The following SLC4A4 variants were observed in gnomAD, a reference collection of about 807,000 sequenced individuals.
SLC4A4 encodes electrogenic sodium bicarbonate cotransporter 1.
Under a neutral mutation model 111.5 loss-of-function variants are expected in SLC4A4, and 27 were observed. The ratio of observed to expected loss-of-function variants is 0.24; its 90% CI spans 0.18 to 0.33. The LOEUF (loss-of-function observed/expected upper bound fraction) is 0.33. SLC4A4 is among the 10% of genes least tolerant of loss of function. SLC4A4 has a pLI of 1.00. For missense variants in SLC4A4, 909 were observed against 1,315.5 expected (o/e 0.69, Z 4.78); for synonymous variants, 443 against 463.4 (o/e 0.96, Z 0.57).
At chr4:71,089,087 G>A (rs1344935642) in intron 1 of SLC4A4, among the ~76,000 whole-genome samples, 1 of 151,986 alleles carries the variant, frequency 6.6e-6, no homozygotes, top group East Asian at 1.9e-4. Context: ...ATATTTCTTG[G>A]AGGCTTTCTT....
intron 2 of SLC4A4, among the ~76,000 whole-genome samples, chr4:71,162,503 A>C (rs1744640526): frequency 6.6e-6 from 1 of 151,938 alleles, no homozygotes; most frequent in Admixed American, 6.6e-5. Context: ...AAGCAGCAGA[A>C]CTCCTAAGTT....
intron 3 of SLC4A4, among the ~76,000 whole-genome samples, chr4:71,314,265 G>C (rs1293517189): frequency 6.6e-6 from 1 of 152,140 alleles, no homozygotes; most frequent in Admixed American, 6.5e-5. Context: ...AAAAAGTCTG[G>C]AAACAACAGA....
intron 20 of SLC4A4, among the ~76,000 whole-genome samples, chr4:71,554,416 G>A (rs1453727318): frequency 2.6e-5 from 4 of 151,734 alleles, no homozygotes; most frequent in African/African-American, 9.7e-5. Context: ...CAAAGGTCTA[G>A]GAATAGATAC....
chr4:71,404,670 C>T (rs934166348), intron 7 of SLC4A4, among the ~76,000 whole-genome samples: 11 of 152,080 alleles, frequency 7.2e-5, no homozygotes, highest in South Asian at 2.1e-4. Flanking sequence ...ATAAAAGAAA[C>T]GAGCATTTTT....
chr4:71,207,336 T>C (rs529421265), intron 1 of SLC4A4, among the ~76,000 whole-genome samples: 1 of 152,356 alleles, frequency 6.6e-6, no homozygotes, highest in South Asian at 2.1e-4. Context: ...ATGGTCTTCC[T>C]GCATAGAATA....
rs904563749 is a variant in SLC4A4, at chr4:71,292,848, T to G, written c.253+37449T>G. Among the ~76,000 whole-genome samples, 8 of 143,750 alleles carry G rather than the reference T, an allele frequency of 5.6e-5. 1 individual carries two copies. The highest frequency in any genetic ancestry group is 7.8e-5 in the African/African-American group (3 of 38,612). The allele number at this position is 143,750 out of a possible 152,430, so 94.3% of individuals were successfully genotyped here. A position where few individuals can be genotyped will look rare whatever the true frequency, so the allele number is the denominator to read the frequency against. On this transcript the variant is annotated intron_variant, in intron 3 of 25. Transcript: ENST00000264485. ...CTTACTTTTGGTTTTTTTTGTTTTT[T>G]TTTTTTTTTTTTTGAGACAGTCTCA...
chr4:71,510,007 T>C (rs4235097), intron 16 of SLC4A4, among the ~76,000 whole-genome samples: 65,018 of 151,830 alleles, frequency 0.43, 17,231 homozygotes, highest in African/African-American at 0.71. Flanking sequence ...AGCACCTTAG[T>C]TTGCAGGGTA....
intron 2 of SLC4A4, among the ~76,000 whole-genome samples, chr4:71,094,841 T>C (rs1049311916): frequency 1.3e-5 from 2 of 152,212 alleles, no homozygotes; most frequent in Non-Finnish European, 2.9e-5. Flanking sequence ...TCAGTGAAGC[T>C]TCAGAGCCAA....
intron 16 of SLC4A4, among the ~76,000 whole-genome samples, chr4:71,511,942 T>G (rs1053562609): frequency 6.6e-6 from 1 of 152,192 alleles, no homozygotes; most frequent in Non-Finnish European, 1.5e-5. Flanking sequence ...GAAAATGACA[T>G]TATTTAATTC....
intron 4 of SLC4A4, among the ~76,000 whole-genome samples, chr4:71,340,414 C>G (rs1443612034): frequency 6.6e-6 from 1 of 151,980 alleles, no homozygotes; most frequent in Non-Finnish European, 1.5e-5. Context: ...TGTATTTATT[C>G]TATTTTATTA....
Position 71,466,509 on chromosome 4 carries a change from A to G in SLC4A4, c.1563A>G (p.Gln521=). ...SGAIFCLFAG[Q]PLTILSSTGP... ...CCATCTTTTGCCTTTTTGCTGGTCA[A>G]CCACTCACTATTCTGAGCAGCACCG... Residue 521 remains glutamine, a synonymous_variant, in exon 13 of 26, where the codon CAA becomes CAG. Transcript: ENST00000264485. 1 of 1,613,562 alleles carries G rather than the reference A, an allele frequency of 6.2e-7. No individual in the cohort carries two copies. The highest frequency in any genetic ancestry group is 1.3e-5 in the African/African-American group (1 of 74,968).
chr4:71,138,991 G>A (rs552290468), intron 2 of SLC4A4, among the ~76,000 whole-genome samples: 11 of 142,556 alleles, frequency 7.7e-5, no homozygotes, highest in East Asian at 2.0e-4. Flanking sequence ...AGCAGAGATC[G>A]TGCCACTGCA....
intron 17 of SLC4A4, among the ~76,000 whole-genome samples, chr4:71,533,021 T>G (rs899730576): frequency 6.6e-6 from 1 of 152,146 alleles, no homozygotes; most frequent in Admixed American, 6.6e-5. Flanking sequence ...AATTTTTCAC[T>G]ACAAGTCTTT....
At chr4:71,558,514 A>C (rs934254899) in intron 22 of SLC4A4, among the ~76,000 whole-genome samples, 1 of 151,950 alleles carries the variant, frequency 6.6e-6, no homozygotes, top group African/African-American at 2.4e-5. Context: ...AAAGAAGAGA[A>C]AAAGGAGTTC....
intron 16 of SLC4A4, among the ~76,000 whole-genome samples, chr4:71,503,672 G>A (rs1731143446): frequency 6.6e-6 from 1 of 151,936 alleles, no homozygotes; most frequent in Non-Finnish European, 1.5e-5. Context: ...GGCTTTTCTT[G>A]TTTTCGACCA....
intron 18 of SLC4A4, among the ~76,000 whole-genome samples, chr4:71,543,731 C>A (rs1319657499): frequency 6.6e-6 from 1 of 151,988 alleles, no homozygotes; most frequent in Non-Finnish European, 1.5e-5. Context: ...TTTTTGGTAA[C>A]AAGATTTGTG....
intron 2 of SLC4A4, among the ~76,000 whole-genome samples, chr4:71,177,706 T>A (rs528136739): frequency 6.6e-4 from 101 of 152,236 alleles, no homozygotes; most frequent in African/African-American, 2.4e-3. Flanking sequence ...ACAAAGAGAC[T>A]TAGACTCCCA....
intron 15 of SLC4A4, among the ~76,000 whole-genome samples, chr4:71,487,348 TGAG>T (rs1432246112): frequency 6.6e-6 from 1 of 151,688 alleles, no homozygotes; most frequent in African/African-American, 2.4e-5. Context: ...AGTTGGAAAA[TGAG>T]AGCACAGTAT....
At chr4:71,288,642 A>AC (rs1362897936) in intron 3 of SLC4A4, among the ~76,000 whole-genome samples, 1 of 151,566 alleles carries the variant, frequency 6.6e-6, no homozygotes, top group Non-Finnish European at 1.5e-5. Flanking sequence ...CAGGTGATCC[A>AC]CCCCCCTTGG....
Sources: allele counts gnomAD v4.1 joint callset (sites outside exome capture counted in the v4.1 genomes callset), GRCh38; gene constraint gnomAD v4.1.1; transcripts MANE v1.5; gene names NCBI Gene and HGNC (gene_info 2026-07-23, HGNC 2026-07-21).